Variants in SLC44A5 observed in about 807,000 individuals in gnomAD.
The protein encoded by SLC44A5 is choline transporter-like protein 5.
A neutral mutation model predicts 101.8 loss-of-function variants in SLC44A5; 57 were observed. The ratio of observed to expected loss-of-function variants is 0.56; its 90% CI spans 0.45 to 0.70. The LOEUF (loss-of-function observed/expected upper bound fraction) is 0.70, where lower values mean the gene tolerates loss of function less well. Among genes scored for constraint, SLC44A5 ranks in the 30% least tolerant of loss-of-function variants. The pLI is 0.00. For synonymous variants in SLC44A5, 281 were observed against 290.9 expected (o/e 0.97, Z 0.35); for missense variants, 737 against 853.1 (o/e 0.86, Z 1.70).
At chr1:75,568,435 C>T (rs551409905) in intron 1 of SLC44A5, among the ~76,000 whole-genome samples, 16 of 152,202 alleles carry the variant, frequency 1.1e-4, no homozygotes, top group Admixed American at 7.9e-4. Context: ...AGCAGAGCTC[C>T]GGCCAATAAG....
chr1:75,524,504 G>A (rs1376665362), intron 2 of SLC44A5, among the ~76,000 whole-genome samples: 2 of 152,094 alleles, frequency 1.3e-5, no homozygotes, highest in East Asian at 3.9e-4. Context: ...TGTAGATTAA[G>A]TGATTACAGG....
chr1:75,203,778 T>C lies in SLC44A5; in HGVS notation c.2103A>G (p.Gln701=). 1.3e-6 allele frequency: 2 copies of C among 1,550,262 alleles called. No homozygotes were observed. The highest frequency in any genetic ancestry group is 2.0e-5 in the Admixed American group (1 of 50,754). Residue 701 remains glutamine, a synonymous_variant, in exon 24 of 24, where the codon CAA becomes CAG. Transcript: ENST00000370859. ...CCTCCTGGAAAATCTTCAGCAAAGG[T>C]TGACTCACATAATAAGGTCTTGCAG... The part of the protein sequence containing the change: ...GSTARPYYVS[Q]PLLKIFQEEN...
chr1:75,624,219 A>G, the SLC44A5 span, among the ~76,000 whole-genome samples: 3 of 152,172 alleles, frequency 2.0e-5, no homozygotes, highest in East Asian at 5.8e-4. Flanking sequence ...TAAAATGTGT[A>G]AGTCCATAGT....
At chr1:75,504,617 T>C (rs1669146102) in intron 2 of SLC44A5, among the ~76,000 whole-genome samples, 1 of 152,086 alleles carries the variant, frequency 6.6e-6, no homozygotes, top group Admixed American at 6.6e-5. Context: ...TTGTTTCTAC[T>C]AAAAAATATA....
At chr1:75,413,062 A>G (rs1238198591) in intron 2 of SLC44A5, among the ~76,000 whole-genome samples, 1 of 152,200 alleles carries the variant, frequency 6.6e-6, no homozygotes, top group Non-Finnish European at 1.5e-5. Context: ...ATAGTACAAT[A>G]TGGTATTTTG....
intron 6 of SLC44A5, among the ~76,000 whole-genome samples, chr1:75,257,049 T>A (rs1298558808): frequency 6.6e-6 from 1 of 152,154 alleles, no homozygotes; most frequent in Non-Finnish European, 1.5e-5. Flanking sequence ...GAAGAGATTG[T>A]CCCAGTGAAA....
At chr1:75,461,668 G>T (rs942143668) in intron 2 of SLC44A5, among the ~76,000 whole-genome samples, 31 of 152,178 alleles carry the variant, frequency 2.0e-4, no homozygotes, top group African/African-American at 6.8e-4. Flanking sequence ...TTCTGAAACT[G>T]CTCTCGGCCA....
At chr1:75,315,586 C>A (rs1036730175) in intron 4 of SLC44A5, among the ~76,000 whole-genome samples, 4 of 152,092 alleles carry the variant, frequency 2.6e-5, no homozygotes, top group Non-Finnish European at 5.9e-5. Context: ...TCTGTCTCTA[C>A]CTGTGTCTTA....
At chr1:75,563,176 A>G (rs1454706288) in intron 1 of SLC44A5, among the ~76,000 whole-genome samples, 1 of 152,186 alleles carries the variant, frequency 6.6e-6, no homozygotes, top group African/African-American at 2.4e-5. Context: ...AGAATTTGGG[A>G]TGTAAATTGA....
At chr1:75,443,818 AT>A (rs1285436518) in intron 2 of SLC44A5, among the ~76,000 whole-genome samples, 2 of 151,988 alleles carry the variant, frequency 1.3e-5, no homozygotes, top group African/African-American at 4.8e-5. Flanking sequence ...AAAATTCCAA[AT>A]TAATTTTTTA....
At chr1:75,229,950 T>C (rs1647401214) in intron 12 of SLC44A5, among the ~76,000 whole-genome samples, 1 of 152,220 alleles carries the variant, frequency 6.6e-6, no homozygotes, top group South Asian at 2.1e-4. Flanking sequence ...AGCTTTCAAA[T>C]ATGGTTGATA....
intron 1 of SLC44A5, among the ~76,000 whole-genome samples, chr1:75,601,889 AC>A (rs1382865897): frequency 5.9e-5 from 9 of 152,160 alleles, no homozygotes; most frequent in African/African-American, 2.2e-4. Flanking sequence ...CTCAAAACAA[AC>A]AAAAACTCAA....
intron 3 of SLC44A5, among the ~76,000 whole-genome samples, chr1:75,380,863 G>A (rs1432475284): frequency 1.2e-5 from 1 of 81,990 alleles, no homozygotes; most frequent in Non-Finnish European, 2.1e-5. Context: ...TCGCTGCCCT[G>A]CCAAACCTGA....
the SLC44A5 span, among the ~76,000 whole-genome samples, chr1:75,626,542 G>T: frequency 9.9e-5 from 15 of 152,212 alleles, no homozygotes; most frequent in African/African-American, 3.6e-4. Context: ...CACACAGAGG[G>T]CTGCAAGAAA....
chr1:75,344,040 G>T (rs911778718), intron 3 of SLC44A5, among the ~76,000 whole-genome samples: 2 of 151,906 alleles, frequency 1.3e-5, no homozygotes, highest in African/African-American at 4.8e-5. Context: ...ACTATGTATG[G>T]TTCCCCCCTT....
At chr1:75,354,248 G>C (rs1467712827) in intron 3 of SLC44A5, among the ~76,000 whole-genome samples, 1 of 152,150 alleles carries the variant, frequency 6.6e-6, no homozygotes, top group Non-Finnish European at 1.5e-5. Context: ...GTGCAGGTGG[G>C]TGTTCTAGGC....
chr1:75,327,046 G>T (rs565888803), intron 4 of SLC44A5, among the ~76,000 whole-genome samples: 15 of 151,124 alleles, frequency 9.9e-5, no homozygotes, highest in African/African-American at 1.5e-4. Flanking sequence ...TTGAGTTAAT[G>T]ATATTTTCCT....
chr1:75,716,345 C>T, the SLC44A5 span, among the ~76,000 whole-genome samples: 1 of 151,946 alleles, frequency 6.6e-6, no homozygotes, highest in Admixed American at 6.5e-5. Context: ...GTGGCCTGTG[C>T]CTGTAGTCCC....
rs535840527 is a variant in SLC44A5 at position 75,469,570 on chromosome 1, A to G, written c.13+71865T>C. Reference sequence around the variant, plus strand: ...AAAAATCACTAAAATGGTACGGCGTATAATGGAATAAAAATATTATGCCAT... The same window carrying G: ...AAAAATCACTAAAATGGTACGGCGTGTAATGGAATAAAAATATTATGCCAT... On this transcript the variant is annotated intron_variant, in intron 2 of 23. Transcript: ENST00000370859. 2.6e-5 allele frequency among the ~76,000 whole-genome samples: 4 copies of G among 152,306 alleles called. No individual in the cohort carries two copies. The South Asian group carries it at 8.3e-4, about 32-fold the overall frequency.
Sources: allele counts gnomAD v4.1 joint callset (sites outside exome capture counted in the v4.1 genomes callset), GRCh38; gene constraint gnomAD v4.1.1; transcripts MANE v1.5; gene names NCBI Gene and HGNC (gene_info 2026-07-23, HGNC 2026-07-21).